Variants in IPCEF1 observed in about 807,000 individuals in gnomAD.
IPCEF1 encodes interaction protein for cytohesin exchange factors 1.
In IPCEF1, 31 loss-of-function variants were observed where a neutral mutation model predicts 50.9. That is an observed-to-expected ratio of 0.61 (90% CI 0.46 to 0.82). The LOEUF is 0.82. Ranked by LOEUF, IPCEF1 falls within the 40% of genes least tolerant of loss-of-function variation. The pLI is 0.00. For synonymous variants in IPCEF1, 181 were observed against 192.0 expected (o/e 0.94, Z 0.47); for missense variants, 458 against 514.0 (o/e 0.89, Z 1.05).
intron 1 of IPCEF1, among the ~76,000 whole-genome samples, chr6:154,325,515 A>C (rs907546798): frequency 6.6e-6 from 1 of 152,222 alleles, no homozygotes; most frequent in African/African-American, 2.4e-5. Flanking sequence ...CAATTAAAAA[A>C]TAACTGGGTA....
intron 5 of IPCEF1, among the ~76,000 whole-genome samples, chr6:154,231,762 C>T (rs189511411): frequency 2.6e-5 from 4 of 152,196 alleles, no homozygotes; most frequent in East Asian, 1.9e-4. Flanking sequence ...AACAGAGATG[C>T]GAAGGAGACT....
In IPCEF1 at chr6:154,168,924, G is replaced by A. The variant is rs1040175504; in HGVS notation, c.911-811C>T. 6.6e-6 allele frequency among the ~76,000 whole-genome samples: 1 copy of A among 151,880 alleles called. No homozygotes were observed. On this transcript the variant is annotated intron_variant, in intron 10 of 11. Coordinates refer to ENST00000367220, the MANE Select transcript of IPCEF1 (RefSeq NM_001130700.2). This position sits in a 1 kb window ranked among gnomAD's most constrained non-coding sequence, Gnocchi z 4.1. ...CCCAGCCCAACATATGAATTTTAGAGGGACACAATTCAACCCATACATAGT... is the reference window on the plus strand; with the variant it reads ...CCCAGCCCAACATATGAATTTTAGAAGGACACAATTCAACCCATACATAGT...
intron 2 of IPCEF1, among the ~76,000 whole-genome samples, chr6:154,273,657 TGAA>T (rs1437709976): frequency 2.6e-5 from 4 of 151,486 alleles, no homozygotes; most frequent in African/African-American, 9.7e-5. Flanking sequence ...AGGAACTTTA[TGAA>T]GGAGAAAGTA....
chr6:154,227,285 G>T (rs1302971157), intron 5 of IPCEF1, among the ~76,000 whole-genome samples: 1 of 151,886 alleles, frequency 6.6e-6, no homozygotes, highest in Non-Finnish European at 1.5e-5. Context: ...ATTAGAATCA[G>T]CACCCAATTT....
rs112517003 is a variant in IPCEF1 at position 154,264,455 on chromosome 6, C to A, written c.36+1457G>T. ...GTGACAGATCTCAGCTCACTGCAAC[C>A]TCTACCTCCCAGATTCAAGTGATCC... On this transcript the variant is annotated intron_variant, in intron 3 of 11. Transcript: ENST00000367220. Among the ~76,000 whole-genome samples, 943 of 152,196 alleles carry A rather than the reference C, an allele frequency of 6.2e-3. 4 individuals are homozygous for A. The highest frequency in any genetic ancestry group is 0.01 in the South Asian group (50 of 4,818).
At chr6:154,196,541 A>T (rs1309058168) in intron 10 of IPCEF1, among the ~76,000 whole-genome samples, 1 of 152,232 alleles carries the variant, frequency 6.6e-6, no homozygotes, top group Non-Finnish European at 1.5e-5. Context: ...GCTTTTCAGC[A>T]TCCAGAGTAA....
chr6:154,233,434 G>A (rs1474448216), intron 5 of IPCEF1, among the ~76,000 whole-genome samples: 1 of 152,008 alleles, frequency 6.6e-6, no homozygotes, highest in Non-Finnish European at 1.5e-5. Context: ...ATATTGTTGC[G>A]TTTGGGTTTA....
At chr6:154,184,304 A>G (rs13191395) in intron 10 of IPCEF1, among the ~76,000 whole-genome samples, 13,623 of 152,082 alleles carry the variant, frequency 0.09, 889 homozygotes, top group African/African-American at 0.18. Context: ...AAAAAATTGG[A>G]AATCACCTAC....
chr6:154,316,584 C>G (rs1783224959), intron 1 of IPCEF1, among the ~76,000 whole-genome samples: 1 of 152,070 alleles, frequency 6.6e-6, no homozygotes, highest in South Asian at 2.1e-4. Flanking sequence ...GTCATAGATG[C>G]AAAGAATAGG....
chr6:154,203,652 C>A (rs1355777041), intron 9 of IPCEF1, among the ~76,000 whole-genome samples: 4 of 152,116 alleles, frequency 2.6e-5, no homozygotes, highest in Admixed American at 1.3e-4. Flanking sequence ...TGGAACTAAA[C>A]CCCCACAGAT....
chr6:154,259,755 C>G (rs1781549768), intron 3 of IPCEF1, among the ~76,000 whole-genome samples: 1 of 151,892 alleles, frequency 6.6e-6, no homozygotes, highest in Non-Finnish European at 1.5e-5. Context: ...CTTAATGAGC[C>G]CCTCCCACCC....
intron 10 of IPCEF1, among the ~76,000 whole-genome samples, chr6:154,189,446 G>A (rs9397179): frequency 0.055 from 8,376 of 152,056 alleles, 338 homozygotes; most frequent in South Asian, 0.19. Flanking sequence ...TTCATTAAGA[G>A]CATTTAAAGG....
In IPCEF1 at chr6:154,159,239, CCTT is replaced by C. The variant is rs935023745; in HGVS notation, c.*586_*588del. ...GAGTGGAATATGGAACACGCCTCCT[CCTT>C]CAGCTCTCCCACATGCCACTGTCTA... On this transcript the variant is annotated 3_prime_UTR_variant, in exon 12 of 12. Coordinates refer to ENST00000367220, the MANE Select transcript of IPCEF1 (RefSeq NM_001130700.2). The C allele has an allele frequency of 2.6e-5, 4 of 154,092 alleles. No individual in the cohort carries two copies. The highest frequency in any genetic ancestry group is 9.6e-5 in the African/African-American group (4 of 41,472). The allele number at this position is 154,092 out of a possible 1,614,324, so 9.5% of individuals were successfully genotyped here.
chr6:154,308,548 A>G (rs1162154839), intron 1 of IPCEF1, among the ~76,000 whole-genome samples: 1 of 152,222 alleles, frequency 6.6e-6, no homozygotes, highest in Non-Finnish European at 1.5e-5. Context: ...AACAGAGAAC[A>G]AAGTATTCTT....
chr6:154,312,732 G>T (rs370413511), intron 1 of IPCEF1, among the ~76,000 whole-genome samples: 1 of 151,940 alleles, frequency 6.6e-6, no homozygotes, highest in Non-Finnish European at 1.5e-5. Context: ...ACAGTGAATT[G>T]TATACTTGAA....
At chr6:154,351,251 AT>A (rs1243662123) in intron 1 of IPCEF1, among the ~76,000 whole-genome samples, 2 of 152,226 alleles carry the variant, frequency 1.3e-5, no homozygotes, top group Non-Finnish European at 1.5e-5. Context: ...TAGATTGGGT[AT>A]TGTTATGAAA....
chr6:154,177,291 A>T (rs1195587315), intron 10 of IPCEF1, among the ~76,000 whole-genome samples: 3 of 152,244 alleles, frequency 2.0e-5, no homozygotes, highest in Admixed American at 1.3e-4. Context: ...GACAAACGGG[A>T]TCTAATTAAA....
At chr6:154,188,037 A>C (rs915363784) in intron 10 of IPCEF1, among the ~76,000 whole-genome samples, 3 of 152,242 alleles carry the variant, frequency 2.0e-5, no homozygotes. Context: ...CAAGAAAAAT[A>C]AGTAGCAGAT....
chr6:154,178,680 T>C (rs1010289862), intron 10 of IPCEF1, among the ~76,000 whole-genome samples: 1 of 152,128 alleles, frequency 6.6e-6, no homozygotes, highest in Admixed American at 6.6e-5. Flanking sequence ...TATATTATGC[T>C]CAAAAAAACC....
Sources: gnomAD v4.1 joint callset for allele counts (sites outside exome capture counted in the v4.1 genomes callset) on GRCh38, gnomAD v4.1.1 for gene constraint, Gnocchi (gnomAD v3.1) non-coding constraint, MANE v1.5 for transcripts, NCBI Gene and HGNC (gene_info 2026-07-23, HGNC 2026-07-21) for gene names.